The following MEF2D variants were observed in gnomAD, a reference collection of about 807,000 sequenced individuals.
MEF2D encodes the protein myocyte-specific enhancer factor 2D.
A neutral mutation model predicts 59.3 loss-of-function variants in MEF2D; 10 were observed. The ratio of observed to expected loss-of-function variants is 0.17; its 90% CI spans 0.10 to 0.29. The LOEUF (loss-of-function observed/expected upper bound fraction) is 0.29. Ranked by LOEUF, MEF2D falls within the 10% of genes least tolerant of loss-of-function variation. The pLI, the probability that MEF2D is intolerant of heterozygous loss-of-function variation, is 1.00. For synonymous variants in MEF2D, 305 were observed against 295.0 expected (o/e 1.03, Z -0.35); for missense variants, 508 against 699.4 (o/e 0.73, Z 3.09).
In MEF2D at chr1:156,468,045, G is replaced by T. The variant is rs1465114714; in HGVS notation, c.1502C>A (p.Pro501Gln). 1.9e-6 allele frequency: 3 copies of T among 1,614,002 alleles called. No homozygotes were observed. The highest frequency in any genetic ancestry group is 2.5e-6 in the Non-Finnish European group (3 of 1,179,974). The part of the protein sequence containing the change: ...GPTLGLLRPA[P>Q]EPEAEGSAVK... ...AGCTGAGCCCTCAGCCTCAGGCTCTGGGGCTGGGCGCAGCAGGCCCAGTGT... is the reference window on the plus strand; with the variant it reads ...AGCTGAGCCCTCAGCCTCAGGCTCTTGGGCTGGGCGCAGCAGGCCCAGTGT... Residue 501 changes from proline (P) to glutamine (Q), a missense_variant, in exon 11 of 12, where the codon CCA becomes CAA. Pro to Gln is a moderately conservative substitution (Grantham distance 76). This residue lies in a region of MEF2D where 481 missense variants were observed against 584.7 expected (regional missense o/e 0.82). Transcript: ENST00000348159. This position sits in a 1 kb window ranked among gnomAD's most constrained non-coding sequence, Gnocchi z 4.3.
chr1:156,497,924 G>A (rs1003530896), intron 1 of MEF2D, among the ~76,000 whole-genome samples: 1 of 151,778 alleles, frequency 6.6e-6, no homozygotes, highest in Non-Finnish European at 1.5e-5. Context: ...TGAGGGCACG[G>A]TAGAGGAGAA....
intron 11 of MEF2D, 78 bp downstream of exon 11, chr1:156,467,915 A>G (rs1670961231): frequency 6.6e-7 from 1 of 1,509,110 alleles, no homozygotes; most frequent in African/African-American, 1.4e-5. Context: ...GGTGGGAAAT[A>G]AAACAGGTTA....
chr1:156,472,117 G>GT (rs1248547645), intron 9 of MEF2D, among the ~76,000 whole-genome samples: 2 of 152,228 alleles, frequency 1.3e-5, no homozygotes, highest in Admixed American at 1.3e-4. Flanking sequence ...CCCTCACAGA[G>GT]TACCTGATAA....
intron 8 of MEF2D, 59 bp downstream of exon 8, chr1:156,476,435 G>C: frequency 6.3e-7 from 1 of 1,578,356 alleles, no homozygotes; most frequent in Non-Finnish European, 8.7e-7. Flanking sequence ...CATGCTGGGG[G>C]ACCGCAGAGC....
rs1028555395 is a variant in MEF2D, at chr1:156,475,310, C to T, written c.877-73G>A. The T allele has an allele frequency of 1.3e-5, 20 of 1,484,400 alleles. No individual in the cohort carries two copies. In the African/African-American group the frequency reaches 2.7e-4, roughly 20 times the overall value. 92.0% of individuals were successfully genotyped at this position (1,484,400 alleles called of 1,614,324 possible). ...TTTATGTTGGCCCTCCATCCCAAGG[C>T]CAAGGTGGGGTTCCTGAATCCCAAA... On this transcript the variant is annotated intron_variant, in intron 8 of 11. Coordinates refer to ENST00000348159, the MANE Select transcript of MEF2D (RefSeq NM_005920.4).
chr1:156,499,275 G>A (rs1321918341), intron 1 of MEF2D, among the ~76,000 whole-genome samples: 1 of 152,172 alleles, frequency 6.6e-6, no homozygotes. Flanking sequence ...CCACCCCAAA[G>A]CAAAGAAACC....
In MEF2D at chr1:156,468,076, C is replaced by T. The variant is rs780148974; in HGVS notation, c.1471G>A (p.Gly491Arg). 3.3e-5 allele frequency: 54 copies of T among 1,613,932 alleles called. No homozygotes were observed. Among genetic ancestry groups the T allele is most frequent in the East Asian group, 4.5e-5 (2 of 44,882 alleles). Reference protein sequence around the residue: ...GDRDDGRGDFGPTLGLLRPAP... With the variant: ...GDRDDGRGDFRPTLGLLRPAP... Reference sequence around the variant, plus strand: ...GGGCGCAGCAGGCCCAGTGTGGGCCCGAAGTCCCCCCGTCCGTCATCCCGG... The same window carrying T: ...GGGCGCAGCAGGCCCAGTGTGGGCCTGAAGTCCCCCCGTCCGTCATCCCGG... The change falls in exon 11 of 12, where the codon GGG (glycine) becomes AGG (arginine). Residue 491 changes from glycine (G) to arginine (R), a missense_variant. Coordinates refer to ENST00000348159, the MANE Select transcript of MEF2D (RefSeq NM_005920.4). The surrounding 1 kb of genome is among the most constrained non-coding windows in gnomAD (Gnocchi z 4.3).
intron 9 of MEF2D, 87 bp downstream of exon 9, chr1:156,475,021 T>C: frequency 1.3e-6 from 2 of 1,590,442 alleles, no homozygotes; most frequent in Admixed American, 1.7e-5. Context: ...AGATGTGGCC[T>C]GTCCAGGGGA....
At chr1:156,488,850 A>G (rs1672549725) in intron 1 of MEF2D, among the ~76,000 whole-genome samples, 1 of 152,120 alleles carries the variant, frequency 6.6e-6, no homozygotes, top group African/African-American at 2.4e-5. Flanking sequence ...TGTCCTTCCC[A>G]TGGAGCTGCA....
chr1:156,470,797 T>A (rs1047762881), intron 9 of MEF2D, among the ~76,000 whole-genome samples: 1 of 152,176 alleles, frequency 6.6e-6, no homozygotes, highest in Non-Finnish European at 1.5e-5. Context: ...AGTATCTGGT[T>A]CATAGAAAAT....
intron 9 of MEF2D, among the ~76,000 whole-genome samples, chr1:156,469,589 T>TAAAAAA (rs57183071): frequency 1.1e-5 from 1 of 92,988 alleles, no homozygotes; most frequent in South Asian, 4.2e-4. Flanking sequence ...GTGTTGAACT[T>TAAAAAA]AAAAAAAAAA....
chr1:156,495,277 G>C (rs1673064983), intron 1 of MEF2D, among the ~76,000 whole-genome samples: 1 of 152,094 alleles, frequency 6.6e-6, no homozygotes. Flanking sequence ...CTGCAGGGCA[G>C]GATCTCTCCT....
chr1:156,477,649 G>A (rs757837481), intron 6 of MEF2D, among the ~76,000 whole-genome samples: 2 of 152,154 alleles, frequency 1.3e-5, no homozygotes, highest in Non-Finnish European at 2.9e-5. Context: ...ATGTGGAAGG[G>A]GTGGCAGCCT....
chr1:156,484,744 G>C (rs1672238206), intron 1 of MEF2D, among the ~76,000 whole-genome samples: 1 of 152,206 alleles, frequency 6.6e-6, no homozygotes, highest in African/African-American at 2.4e-5. Context: ...CCCCTGCACT[G>C]AACAACTCCA....
chr1:156,490,035 G>A (rs963007140), intron 1 of MEF2D, among the ~76,000 whole-genome samples: 2 of 152,142 alleles, frequency 1.3e-5, no homozygotes, highest in Non-Finnish European at 2.9e-5. Flanking sequence ...CAAACACCCA[G>A]GCAAGATGGT....
At chr1:156,493,995 C>A (rs1672976952) in intron 1 of MEF2D, among the ~76,000 whole-genome samples, 1 of 152,102 alleles carries the variant, frequency 6.6e-6, no homozygotes, top group African/African-American at 2.4e-5. Context: ...GGAGACTCAG[C>A]ATAGAGGAGG....
Position 156,467,501 on chromosome 1 carries a change from T to A in MEF2D, c.*144A>T, listed in dbSNP as rs1670924105. 4.6e-6 allele frequency: 2 copies of A among 432,934 alleles called. No homozygotes were observed. Among genetic ancestry groups the A allele is most frequent in the Admixed American group, 8.6e-5 (2 of 23,212 alleles). The allele number at this position is 432,934 out of a possible 1,614,324, so 26.8% of individuals were successfully genotyped here. A position where few individuals can be genotyped will look rare whatever the true frequency, so the allele number is the denominator to read the frequency against. ...ATAATAATAATAATAATATAATAAT[T>A]ATACACAAATGTAACCGTCAACAGG... On this transcript the variant is annotated 3_prime_UTR_variant, in exon 12 of 12. Coordinates refer to ENST00000348159, the MANE Select transcript of MEF2D (RefSeq NM_005920.4).
chr1:156,470,576 T>G (rs765315028), intron 9 of MEF2D, among the ~76,000 whole-genome samples: 1 of 152,128 alleles, frequency 6.6e-6, no homozygotes, highest in Non-Finnish European at 1.5e-5. Flanking sequence ...GCCCTTTGTT[T>G]TTATGCAGGG....
chr1:156,471,501 C>T (rs1671233435), intron 9 of MEF2D, among the ~76,000 whole-genome samples: 2 of 152,216 alleles, frequency 1.3e-5, no homozygotes, highest in African/African-American at 4.8e-5. Context: ...TTGCCCAAGG[C>T]CCCTCAGTGA....
Sources: gnomAD v4.1 joint callset for allele counts (sites outside exome capture counted in the v4.1 genomes callset) on GRCh38, gnomAD v4.1.1 for gene constraint, gnomAD v4.1.1 regional missense constraint, Gnocchi (gnomAD v3.1) non-coding constraint, MANE v1.5 for transcripts, NCBI Gene and HGNC (gene_info 2026-07-23, HGNC 2026-07-21) for gene names.